Variants in MMP26 observed in about 807,000 individuals in gnomAD.
The protein encoded by MMP26 is matrix metallopeptidase 26, also known as matrix metalloproteinase-26.
In MMP26, 33 loss-of-function variants were observed where a neutral mutation model predicts 31.0. The ratio of observed to expected loss-of-function variants is 1.06; its 90% confidence interval spans 0.81 to 1.42. MMP26 has a LOEUF of 1.42. Ranked by LOEUF, MMP26 falls within the 40% of genes most tolerant of loss-of-function variation. The pLI, the probability that MMP26 is intolerant of heterozygous loss-of-function variation, is 0.00. For synonymous variants in MMP26, 122 were observed against 114.9 expected, an observed-to-expected ratio of 1.06 and a Z score of -0.40; for missense variants, 347 against 316.1, an observed-to-expected ratio of 1.10 and a Z score of -0.74.
intron 2 of MMP26, among the ~76,000 whole-genome samples, chr11:4,878,750 T>C (rs1249805106): frequency 6.6e-6 from 1 of 152,160 alleles, no homozygotes; most frequent in Admixed American, 6.5e-5. Context: ...AAATCTTATC[T>C]GAAATTTTCA....
At chr11:4,850,754 A>G (rs1345772731) in intron 2 of MMP26, among the ~76,000 whole-genome samples, 1 of 151,796 alleles carries the variant, frequency 6.6e-6, no homozygotes, top group Non-Finnish European at 1.5e-5. Context: ...CAAGCTAAAA[A>G]AGGAAGATAA....
intron 2 of MMP26, chr11:4,821,978 T>C: frequency 5.0e-6 from 8 of 1,614,102 alleles, no homozygotes; most frequent in Non-Finnish European, 6.8e-6. Context: ...CATGTTGATC[T>C]CATCCAACTC....
intron 2 of MMP26, among the ~76,000 whole-genome samples, chr11:4,785,275 G>A (rs192995066): frequency 2.1e-4 from 32 of 152,246 alleles, no homozygotes; most frequent in Admixed American, 5.2e-4. Flanking sequence ...ATTAAAAAAT[G>A]TATTTATCCT....
intron 1 of MMP26, among the ~76,000 whole-genome samples, chr11:4,766,700 C>CCTCCCTCCCTCCCTCT (rs1175243594): frequency 9.2e-6 from 1 of 108,536 alleles, no homozygotes; most frequent in Non-Finnish European, 1.9e-5. Context: ...CCTTTCCCTC[C>CCTCCCTCCCTCCCTCT]CTCCCTCCCT....
intron 1 of MMP26, among the ~76,000 whole-genome samples, chr11:4,722,141 A>C (rs1848021113): frequency 6.6e-6 from 1 of 152,220 alleles, no homozygotes; most frequent in Non-Finnish European, 1.5e-5. Flanking sequence ...ACTGTGAGCC[A>C]GTTAAACCTC....
In MMP26 at chr11:4,989,701, G is replaced by C; in HGVS notation, c.153G>C (p.Gln51His). 6.2e-7 allele frequency: 1 copy of C among 1,613,808 alleles called. No individual in the cohort carries two copies. The highest frequency in any genetic ancestry group is 1.1e-5 in the South Asian group (1 of 91,066). The part of the protein sequence containing the change: ...LTKKESPLLT[Q>H]ETQTQLLQQF... ...AGAAGGAGTCGCCACTCCTTACCCA[G>C]GAGACACAAACACAGCTCCTGCAAC... Residue 51 changes from glutamine (Q) to histidine (H), a missense_variant, in exon 4 of 8, where the codon CAG becomes CAC. Transcript: ENST00000380390.
chr11:4,747,714 A>T (rs1848398853), intron 1 of MMP26, among the ~76,000 whole-genome samples: 1 of 152,132 alleles, frequency 6.6e-6, no homozygotes, highest in Non-Finnish European at 1.5e-5. Context: ...AAGGATTTTG[A>T]TGCCTAAACT....
chr11:4,786,493 C>CT lies in MMP26; in HGVS notation c.-145+19182dup, dbSNP rs66987352. ...TGCAAGGTAGTAAGATCTGCTGATC[C>CT]TTTTTTTTTTTTTTTTTTTTTTTTT... On this transcript the variant is annotated intron_variant, in intron 2 of 7. Transcript: ENST00000380390. Among the ~76,000 whole-genome samples, 64 of 60,368 alleles carry CT rather than the reference C, an allele frequency of 1.1e-3. 5 individuals carry two copies. The East Asian group carries it at 0.02, about 19-fold the overall frequency. The allele number at this position is 60,368 out of a possible 152,430, so 39.6% of individuals were successfully genotyped here. A position where few individuals can be genotyped will look rare whatever the true frequency, so the allele number is the denominator to read the frequency against.
chr11:4,834,419 G>C (rs73403069), intron 2 of MMP26, among the ~76,000 whole-genome samples: 2 of 152,098 alleles, frequency 1.3e-5, no homozygotes, highest in Admixed American at 1.3e-4. Flanking sequence ...AATGAGAAAG[G>C]GTCAGCAAGG....
chr11:4,722,092 A>C (rs1163996743), intron 1 of MMP26, among the ~76,000 whole-genome samples: 1 of 152,216 alleles, frequency 6.6e-6, no homozygotes, highest in Non-Finnish European at 1.5e-5. Context: ...AGGCCTCCCC[A>C]GAAGCAGAAG....
intron 2 of MMP26, among the ~76,000 whole-genome samples, chr11:4,964,080 A>C (rs1564816099): frequency 6.6e-6 from 1 of 152,068 alleles, no homozygotes; most frequent in Non-Finnish European, 1.5e-5. Context: ...CTCTGTTGAT[A>C]GTTTCTTTTG....
chr11:4,813,201 T>C (rs1849374301), intron 2 of MMP26, among the ~76,000 whole-genome samples: 1 of 152,144 alleles, frequency 6.6e-6, no homozygotes, highest in South Asian at 2.1e-4. Flanking sequence ...TAAATAGTTA[T>C]ACGTTGTATG....
At chr11:4,893,952 AAC>A (rs1355205270) in intron 2 of MMP26, among the ~76,000 whole-genome samples, 18 of 152,080 alleles carry the variant, frequency 1.2e-4, no homozygotes, top group African/African-American at 4.3e-4. Context: ...TAAAAAAAAA[AAC>A]AAAGTAATAT....
intron 2 of MMP26, among the ~76,000 whole-genome samples, chr11:4,857,172 G>C (rs557249619): frequency 1.5e-4 from 23 of 151,712 alleles, no homozygotes; most frequent in African/African-American, 3.9e-4. Context: ...ACTAGAGAAG[G>C]AAGAGCAAAC....
Position 4,838,315 on chromosome 11 carries a change from T to TAAAAA in MMP26, c.-145+71011_-145+71015dup, listed in dbSNP as rs540572047. On this transcript the variant is annotated intron_variant, in intron 2 of 7. Transcript: ENST00000380390. ...CCAGGGCACAGGGCAAGACTCTGTCTAAAAAAAAAAAAAAAAAAAAAAAAA... is the reference window on the plus strand; with the variant it reads ...CCAGGGCACAGGGCAAGACTCTGTCTAAAAAAAAAAAAAAAAAAAAAAAAAAAAAA... Among the ~76,000 whole-genome samples the TAAAAA allele has an allele frequency of 4.0e-3, 110 of 27,416 alleles. 37 individuals are homozygous for TAAAAA. The highest frequency in any genetic ancestry group is 7.9e-3 in the Non-Finnish European group (79 of 9,954). 18.0% of individuals were successfully genotyped at this position (27,416 alleles called of 152,430 possible).
intron 2 of MMP26, among the ~76,000 whole-genome samples, chr11:4,783,759 G>T (rs186001865): frequency 6.6e-6 from 1 of 152,282 alleles, no homozygotes; most frequent in East Asian, 1.9e-4. Flanking sequence ...TTTCCATACT[G>T]TTCTCATGGT....
At position 4,992,111 on chromosome 11, in the gene MMP26, T is replaced by A; in HGVS notation, c.743T>A (p.Ile248Asn). 1 of 1,613,284 alleles carries A rather than the reference T, an allele frequency of 6.2e-7. No homozygotes were observed. The highest frequency in any genetic ancestry group is 1.1e-5 in the South Asian group (1 of 90,896). Residue 248 changes from isoleucine to asparagine, a missense_variant, in exon 7 of 8, where the codon ATC becomes AAC. Coordinates refer to ENST00000380390, the MANE Select transcript of MMP26 (RefSeq NM_021801.5). ...FQLSADDIQR[I>N]QHLYGEKCSS... ...CTCAGTGCCGATGATATCCAAAGGATCCAGCATTTGTATGGTCTGTGCTGC... is the reference window on the plus strand; with the variant it reads ...CTCAGTGCCGATGATATCCAAAGGAACCAGCATTTGTATGGTCTGTGCTGC...
chr11:4,934,068 T>C (rs1429054163), intron 2 of MMP26, among the ~76,000 whole-genome samples: 1 of 132,188 alleles, frequency 7.6e-6, no homozygotes, highest in East Asian at 2.4e-4. Flanking sequence ...GCATGATTTA[T>C]AGTCCTTTGG....
At chr11:4,890,752 A>G (rs1850607117) in intron 2 of MMP26, among the ~76,000 whole-genome samples, 1 of 152,112 alleles carries the variant, frequency 6.6e-6, no homozygotes, top group Non-Finnish European at 1.5e-5. Flanking sequence ...TATTACTTCT[A>G]AACAGACTGT....
Sources: gnomAD v4.1 joint callset for allele counts (sites outside exome capture counted in the v4.1 genomes callset) on GRCh38, gnomAD v4.1.1 for gene constraint, MANE v1.5 for transcripts, NCBI Gene and HGNC (gene_info 2026-07-23, HGNC 2026-07-21) for gene names.